PFKFB2: variants seen among roughly 807,000 people sequenced by gnomAD.
PFKFB2 encodes the protein 6-phosphofructo-2-kinase/fructose-2,6-bisphosphatase 2.
PFKFB2 carries 53 observed loss-of-function variants against 68.0 expected under a neutral mutation model. That is an observed-to-expected ratio of 0.78 (90% CI 0.63 to 0.98). The LOEUF (loss-of-function observed/expected upper bound fraction) is 0.98. PFKFB2 is among the 50% of genes least tolerant of loss of function. The pLI, the probability that PFKFB2 is intolerant of heterozygous loss-of-function variation, is 0.00. For missense variants in PFKFB2, 451 were observed against 642.0 expected (o/e 0.70, Z 3.22); for synonymous variants, 222 against 227.6 (o/e 0.98, Z 0.22).
At chr1:207,043,541 T>C (rs905287738) in intron 2 of PFKFB2, among the ~76,000 whole-genome samples, 1 of 152,186 alleles carries the variant, frequency 6.6e-6, no homozygotes, top group Non-Finnish European at 1.5e-5. Flanking sequence ...TTCACAAAGA[T>C]TGCAGTCTAT....
chr1:207,068,308 C>G lies in PFKFB2; in HGVS notation c.986C>G (p.Ala329Gly). ...TGGAAGATTCTGAATGAGATTGATG[C>G]TGTGAGTAGGAAGCTCTGAAGGCCC... The part of the protein sequence containing the change: ...EQWKILNEID[A>G]GVCEEMTYAE... The change falls in exon 10 of 15, where the codon GCT (alanine) becomes GGT (glycine). Residue 329 changes from alanine to glycine, a missense_variant and splice_region_variant. By Grantham distance (60) the Ala-to-Gly change is moderately conservative (BLOSUM62 0). Transcript: ENST00000367080. 1 of 1,574,974 alleles carries G rather than the reference C, an allele frequency of 6.3e-7. No homozygotes were observed. Among genetic ancestry groups the G allele is most frequent in the Non-Finnish European group, 8.6e-7 (1 of 1,161,316 alleles).
chr1:207,062,804 T>A, intron 4 of PFKFB2, 88 bp downstream of exon 4: 2 of 1,268,298 alleles, frequency 1.6e-6, no homozygotes, highest in Non-Finnish European at 2.2e-6. Flanking sequence ...TTCATCTCAG[T>A]AAATATCTTA....
chr1:207,063,805 T>G lies in PFKFB2; in HGVS notation c.483T>G (p.Pro161=), dbSNP rs933897669. Residue 161 remains proline (P), a synonymous_variant, in exon 7 of 15, where the codon CCT becomes CCG. Coordinates refer to ENST00000367080, the MANE Select transcript of PFKFB2 (RefSeq NM_006212.2). This position sits in a 1 kb window ranked among gnomAD's most constrained non-coding sequence, Gnocchi z 4.1. ...TTGTGGAATCCGTCTGTGATGATCC[T>G]GATGTCATTGCTGCCAATATTCTGG... ...VFFVESVCDD[P]DVIAANILEV... The G allele has an allele frequency of 8.1e-6, 13 of 1,613,802 alleles. No homozygotes were observed. The highest frequency in any genetic ancestry group is 2.2e-5 in the East Asian group (1 of 44,898).
At chr1:207,066,176 A>G (rs764935666) in intron 8 of PFKFB2, among the ~76,000 whole-genome samples, 4 of 152,202 alleles carry the variant, frequency 2.6e-5, no homozygotes, top group African/African-American at 4.8e-5. Flanking sequence ...TGTTGGCAGT[A>G]TGGTGTAGAC....
chr1:207,035,327 A>G (rs765439533), intron 1 of PFKFB2: 88 of 313,796 alleles, frequency 2.8e-4, no homozygotes, highest in Non-Finnish European at 3.9e-4. Context: ...TTGCATTGCT[A>G]TAAAGGAATA....
At position 207,074,150 on chromosome 1, in the gene PFKFB2, C is replaced by T; in HGVS notation, c.*1779C>T. 2.0e-6 allele frequency: 2 copies of T among 979,572 alleles called. No homozygotes were observed. Among genetic ancestry groups the T allele is most frequent in the South Asian group, 9.4e-5 (2 of 21,168 alleles). The allele number at this position is 979,572 out of a possible 1,614,324, so 60.7% of individuals were successfully genotyped here. ...AGTAGCTTCCCGGATGATTCTGATT[C>T]ATAGCTCGGGTTAAGAACTCCACCT... On this transcript the variant is annotated 3_prime_UTR_variant, in exon 15 of 15. Coordinates refer to ENST00000367080, the MANE Select transcript of PFKFB2 (RefSeq NM_006212.2).
rs1268258776 is a variant in PFKFB2 at position 207,067,813 on chromosome 1, G to A, written c.840+107G>A. 3 of 966,044 alleles carry A rather than the reference G, an allele frequency of 3.1e-6. No homozygotes were observed. In the Admixed American group the frequency reaches 6.6e-5, roughly 21 times the overall value. The allele number at this position is 966,044 out of a possible 1,614,324, so 59.8% of individuals were successfully genotyped here. ...CTTAAATCCCATTTGGACGTAGGCT[G>A]TGGTTTCATAGTCAGGCAAGTGCTC... On this transcript the variant is annotated intron_variant, in intron 9 of 14. Transcript: ENST00000367080.
rs371391519 is a variant in PFKFB2, at chr1:207,066,242, G to C, written c.632+1082G>C. On this transcript the variant is annotated intron_variant, in intron 8 of 14. Transcript: ENST00000367080. Reference sequence around the variant, plus strand: ...TGAGCCATAACAAAACCAAGTCTATGTTGAAGAAAGATGGTGTACACATGG... The same window carrying C: ...TGAGCCATAACAAAACCAAGTCTATCTTGAAGAAAGATGGTGTACACATGG... Among the ~76,000 whole-genome samples the C allele has an allele frequency of 2.0e-4, 30 of 152,300 alleles. No individual in the cohort carries two copies. In the East Asian group the frequency reaches 5.4e-3, roughly 27 times the overall value.
intron 8 of PFKFB2, among the ~76,000 whole-genome samples, chr1:207,066,948 A>G (rs1683307615): frequency 6.6e-6 from 1 of 152,178 alleles, no homozygotes; most frequent in African/African-American, 2.4e-5. Flanking sequence ...TACCGCATCC[A>G]GCCACACTTA....
chr1:207,061,109 CTATATATCTTTA>C (rs1298009443), intron 2 of PFKFB2, among the ~76,000 whole-genome samples: 5,627 of 79,108 alleles, frequency 0.071, 458 homozygotes, highest in Non-Finnish European at 0.1. Flanking sequence ...TTATATATAT[CTATATATCTTTA>C]TATATATCTT....
In PFKFB2 at chr1:207,075,347, T is replaced by A. The variant is rs989278625; in HGVS notation, c.*2976T>A. 1.6e-5 allele frequency: 16 copies of A among 985,354 alleles called. No individual in the cohort carries two copies. The highest frequency in any genetic ancestry group is 1.9e-5 in the Non-Finnish European group (16 of 829,950). The allele number at this position is 985,354 out of a possible 1,614,324, so 61.0% of individuals were successfully genotyped here. A position where few individuals can be genotyped will look rare whatever the true frequency, so the allele number is the denominator to read the frequency against. On this transcript the variant is annotated 3_prime_UTR_variant, in exon 15 of 15. Transcript: ENST00000367080. ...AATTTGGCAAGCAAGGGCTTCAGCA[T>A]CCTTTAGTTTCTAAAGCAAGATCCC...
At position 207,063,873 on chromosome 1, in the gene PFKFB2, CTG is replaced by C; in HGVS notation, c.507+52_507+53del. The C allele has an allele frequency of 2.7e-6, 3 of 1,124,450 alleles. No individual in the cohort carries two copies. Among genetic ancestry groups the C allele is most frequent in the Non-Finnish European group, 2.6e-6 (2 of 760,220 alleles). The allele number at this position is 1,124,450 out of a possible 1,614,324, so 69.7% of individuals were successfully genotyped here. A position where few individuals can be genotyped will look rare whatever the true frequency, so the allele number is the denominator to read the frequency against. On this transcript the variant is annotated intron_variant, in intron 7 of 14. Coordinates refer to ENST00000367080, the MANE Select transcript of PFKFB2 (RefSeq NM_006212.2). The surrounding 1 kb of genome is among the most constrained non-coding windows in gnomAD (Gnocchi z 4.1). Reference sequence around the variant, plus strand: ...TATCATCTCCTCTTCACCTTTTGTGCTGTGTGTGTTGTGGGGTGTGTGTGTGT... The same window carrying C: ...TATCATCTCCTCTTCACCTTTTGTGCTGTGTGTTGTGGGGTGTGTGTGTGT...
Position 207,073,958 on chromosome 1 carries a change from A to G in PFKFB2, c.*1587A>G. On this transcript the variant is annotated 3_prime_UTR_variant, in exon 15 of 15. Coordinates refer to ENST00000367080, the MANE Select transcript of PFKFB2 (RefSeq NM_006212.2). Reference sequence around the variant, plus strand: ...GTGAGAAGGAGTTAGCTATTTTCCAAGGGTGTTTTCATTTGGTAATGGAAG... The same window carrying G: ...GTGAGAAGGAGTTAGCTATTTTCCAGGGGTGTTTTCATTTGGTAATGGAAG... The G allele has an allele frequency of 1.0e-6, 1 of 985,382 alleles. No individual in the cohort carries two copies. The highest frequency in any genetic ancestry group is 1.2e-6 in the Non-Finnish European group (1 of 829,888). 61.0% of individuals were successfully genotyped at this position (985,382 alleles called of 1,614,324 possible). A position where few individuals can be genotyped will look rare whatever the true frequency, so the allele number is the denominator to read the frequency against.
chr1:207,076,983 A>G lies in PFKFB2; in HGVS notation c.*4612A>G, dbSNP rs1683645195. On this transcript the variant is annotated 3_prime_UTR_variant, in exon 15 of 15. Transcript: ENST00000367080. ...TTTTCTTTATAGGGGAGTTCTGTAC[A>G]CTATGATTTTAAATAGATATTTCTT... 1.0e-6 allele frequency: 1 copy of G among 980,516 alleles called. No individual in the cohort carries two copies. Among genetic ancestry groups the G allele is most frequent in the African/African-American group, 1.7e-5 (1 of 57,260 alleles). The allele number at this position is 980,516 out of a possible 1,614,324, so 60.7% of individuals were successfully genotyped here. A position where few individuals can be genotyped will look rare whatever the true frequency, so the allele number is the denominator to read the frequency against.
At position 207,063,859 on chromosome 1, in the gene PFKFB2, CT is replaced by C; in HGVS notation, c.507+32del. 1 of 1,502,518 alleles carries C rather than the reference CT, an allele frequency of 6.7e-7. No homozygotes were observed. The highest frequency in any genetic ancestry group is 9.2e-7 in the Non-Finnish European group (1 of 1,083,282). The allele number at this position is 1,502,518 out of a possible 1,614,324, so 93.1% of individuals were successfully genotyped here. A position where few individuals can be genotyped will look rare whatever the true frequency, so the allele number is the denominator to read the frequency against. ...GTGACACCCCTACATATCATCTCCT[CT>C]TCACCTTTTGTGCTGTGTGTGTTGT... On this transcript the variant is annotated intron_variant, in intron 7 of 14. Transcript: ENST00000367080. This position sits in a 1 kb window ranked among gnomAD's most constrained non-coding sequence, Gnocchi z 4.1.
Position 207,074,184 on chromosome 1 carries a change from T to C in PFKFB2, c.*1813T>C, listed in dbSNP as rs1469020870. ...GGTTAAGAACTCCACCTTAGGAAGT[T>C]AGGTGGAAAAATACTGGATAGTAGT... On this transcript the variant is annotated 3_prime_UTR_variant, in exon 15 of 15. Transcript: ENST00000367080. The C allele has an allele frequency of 3.0e-6, 3 of 984,594 alleles. No homozygotes were observed. The highest frequency in any genetic ancestry group is 6.1e-5 in the Admixed American group (1 of 16,262). 61.0% of individuals were successfully genotyped at this position (984,594 alleles called of 1,614,324 possible). A position where few individuals can be genotyped will look rare whatever the true frequency, so the allele number is the denominator to read the frequency against.
At position 207,054,700 on chromosome 1, in the gene PFKFB2, G is replaced by T; in HGVS notation, c.-17-1G>T. ...TTTTACATTCTACTTCTCTGTTTCA[G>T]ACATCTGAAGAGCTGCCATGTCTGG... On this transcript the variant is annotated splice_acceptor_variant, in intron 1 of 14. Coordinates refer to ENST00000367080, the MANE Select transcript of PFKFB2 (RefSeq NM_006212.2). LOFTEE classifies it low-confidence loss of function (5UTR_SPLICE). 6.3e-7 allele frequency: 1 copy of T among 1,597,294 alleles called. No homozygotes were observed. The highest frequency in any genetic ancestry group is 1.1e-5 in the South Asian group (1 of 89,994).
At chr1:207,064,095 G>A (rs893827701) in intron 7 of PFKFB2, among the ~76,000 whole-genome samples, 1 of 152,126 alleles carries the variant, frequency 6.6e-6, no homozygotes, top group South Asian at 2.1e-4. Flanking sequence ...CCAGGGTTTA[G>A]GTTGTAGGAT....
chr1:207,035,324 G>T (rs532012450), intron 1 of PFKFB2: 2 of 338,416 alleles, frequency 5.9e-6, no homozygotes, highest in South Asian at 1.2e-4. Flanking sequence ...CATTTGCATT[G>T]CTATAAAGGA....
Sources: allele counts gnomAD v4.1 joint callset (sites outside exome capture counted in the v4.1 genomes callset), GRCh38; gene constraint gnomAD v4.1.1; non-coding constraint Gnocchi (gnomAD v3.1); transcripts MANE v1.5; gene names NCBI Gene and HGNC (gene_info 2026-07-23, HGNC 2026-07-21).